MIA3: variants seen among roughly 807,000 people sequenced by gnomAD.
The protein encoded by MIA3 is MIA SH3 domain ER export factor 3.
In MIA3, 90 loss-of-function variants were observed where a neutral mutation model predicts 192.4. That is an observed-to-expected ratio of 0.47 (90% CI 0.39 to 0.56). The LOEUF (loss-of-function observed/expected upper bound fraction) is 0.56, where lower values mean the gene tolerates loss of function less well. Ranked by LOEUF, MIA3 falls within the 20% of genes least tolerant of loss-of-function variation. The pLI is 0.00. For synonymous variants in MIA3, 740 were observed against 792.8 expected, an observed-to-expected ratio of 0.93 and a Z score of 1.12; for missense variants, 2,123 against 2,269.4, an observed-to-expected ratio of 0.94 and a Z score of 1.31.
Position 222,653,356 on chromosome 1 carries a change from G to A in MIA3, c.4321+17G>A. ...AAGTGGGAGGTAAGATCAGCCTCAA[G>A]GAGGATGGACCCCTTTTGCCTTCCT... On this transcript the variant is annotated intron_variant, in intron 15 of 27. Transcript: ENST00000344922. 3 of 1,567,176 alleles carry A rather than the reference G, an allele frequency of 1.9e-6. No homozygotes were observed. Among genetic ancestry groups the A allele is most frequent in the Non-Finnish European group, 2.6e-6 (3 of 1,139,664 alleles).
chr1:222,620,940 G>A (rs1177215747), intron 1 of MIA3, among the ~76,000 whole-genome samples: 2 of 152,188 alleles, frequency 1.3e-5, no homozygotes, highest in South Asian at 2.1e-4. Flanking sequence ...AATAGAGAAG[G>A]TTTTCCTTTC....
At chr1:222,619,178 G>C (rs1329850057) in intron 1 of MIA3, among the ~76,000 whole-genome samples, 1 of 152,160 alleles carries the variant, frequency 6.6e-6, no homozygotes, top group East Asian at 1.9e-4. Context: ...AATACTCCAA[G>C]GGTCTCATAA....
rs61738962 is a variant in MIA3, at chr1:222,629,772, A to G, written c.2552A>G (p.Asp851Gly). 472 of 1,614,204 alleles carry G rather than the reference A, an allele frequency of 2.9e-4. 3 individuals are homozygous for G. In the African/African-American group the frequency reaches 5.3e-3, roughly 18 times the overall value. ...LGEVFQNKDS[D>G]YLKNDNPEEH... ...GAAGTGTTTCAGAATAAAGATTCTG[A>G]TTATCTGAAGAACGACAACCCTGAG... Residue 851 changes from aspartate to glycine, a missense_variant, in exon 4 of 28, where the codon GAT becomes GGT. This residue lies in a region of MIA3 where 1,357 missense variants were observed against 1,396.1 expected (regional missense o/e 0.97). Coordinates refer to ENST00000344922, the MANE Select transcript of MIA3 (RefSeq NM_198551.4).
Position 222,644,364 on chromosome 1 carries a change from C to T in MIA3, c.3478-1190C>T, listed in dbSNP as rs934970927. 4 of 1,504,738 alleles carry T rather than the reference C, an allele frequency of 2.7e-6. No homozygotes were observed. In the African/African-American group the frequency reaches 4.2e-5, roughly 16 times the overall value. 93.2% of individuals were successfully genotyped at this position (1,504,738 alleles called of 1,614,324 possible). ...GCAGCTGTGGAAGGCGAAGTTCAAT[C>T]CCAGAGTCCGCCCCCTGAATTGGGG... On this transcript the variant is annotated intron_variant, in intron 6 of 27. Transcript: ENST00000344922.
chr1:222,630,297 A>C lies in MIA3; in HGVS notation c.3077A>C (p.Tyr1026Ser), dbSNP rs886276418. 1 of 1,614,112 alleles carries C rather than the reference A, an allele frequency of 6.2e-7. No individual in the cohort carries two copies. Among genetic ancestry groups the C allele is most frequent in the Non-Finnish European group, 8.5e-7 (1 of 1,180,060 alleles). Residue 1026 changes from tyrosine (Y) to serine (S), a missense_variant, in exon 4 of 28, where the codon TAT becomes TCT. Tyr to Ser is a moderately radical substitution (Grantham distance 144). Coordinates refer to ENST00000344922, the MANE Select transcript of MIA3 (RefSeq NM_198551.4). ...CTTGATGACATTCAAGACCTCATCT[A>C]TTTTGTCAGGTACAAGCACTCCACA... Reference protein sequence around the residue: ...AVLDDIQDLIYFVRYKHSTAE... With the variant: ...AVLDDIQDLISFVRYKHSTAE...
intron 24 of MIA3, 110 bp downstream of exon 24, chr1:222,660,424 G>C: frequency 9.1e-7 from 1 of 1,094,960 alleles, no homozygotes; most frequent in Non-Finnish European, 1.2e-6. Flanking sequence ...GTATAGAAAA[G>C]AAAATTTCTT....
At position 222,630,006 on chromosome 1, in the gene MIA3, T is replaced by A. The variant is rs540329228; in HGVS notation, c.2786T>A (p.Phe929Tyr). ...KREDLLIISS[F>Y]FKEQQSLQRF... ...GAGGACTTACTTATCATAAGCAGCT[T>A]CTTTAAAGAACAACAGTCTTTGCAG... Residue 929 changes from phenylalanine (F) to tyrosine (Y), a missense_variant, in exon 4 of 28, where the codon TTC becomes TAC. Phe to Tyr is a conservative substitution (Grantham distance 22). Coordinates refer to ENST00000344922, the MANE Select transcript of MIA3 (RefSeq NM_198551.4). 6.2e-7 allele frequency: 1 copy of A among 1,614,132 alleles called. No individual in the cohort carries two copies. Among genetic ancestry groups the A allele is most frequent in the African/African-American group, 1.3e-5 (1 of 75,034 alleles).
intron 2 of MIA3, among the ~76,000 whole-genome samples, chr1:222,624,545 G>A (rs1349275571): frequency 6.6e-6 from 1 of 152,122 alleles, no homozygotes; most frequent in Non-Finnish European, 1.5e-5. Context: ...TATTTTTTGT[G>A]TTTAGTGCAA....
intron 9 of MIA3, 64 bp downstream of exon 9, chr1:222,650,444 T>C: frequency 1.1e-6 from 1 of 936,362 alleles, no homozygotes; most frequent in Non-Finnish European, 1.6e-6. Context: ...GTCACCTATC[T>C]TATAGTTCAG....
At position 222,628,282 on chromosome 1, in the gene MIA3, A is replaced by G; in HGVS notation, c.1062A>G (p.Lys354=). ...GCGTTGAGAAATATCCAACAGATAAAGAGCAGAATTCAAATGAAGAGGACA... is the reference window on the plus strand; with the variant it reads ...GCGTTGAGAAATATCCAACAGATAAGGAGCAGAATTCAAATGAAGAGGACA... The part of the protein sequence containing the change: ...KSGVEKYPTD[K]EQNSNEEDKV... The change falls in exon 4 of 28, where the codon AAA becomes AAG. Residue 354 remains lysine (K), a synonymous_variant. Transcript: ENST00000344922. 2 of 1,614,038 alleles carry G rather than the reference A, an allele frequency of 1.2e-6. No individual in the cohort carries two copies. Among genetic ancestry groups the G allele is most frequent in the East Asian group, 2.2e-5 (1 of 44,884 alleles).
chr1:222,618,162 T>A lies in MIA3; in HGVS notation c.52T>A (p.Trp18Arg). The change falls in exon 1 of 28, where the codon TGG becomes AGG. Residue 18 changes from tryptophan (W) to arginine (R), a missense_variant. Coordinates refer to ENST00000344922, the MANE Select transcript of MIA3 (RefSeq NM_198551.4). Reference sequence around the variant, plus strand: ...CTGGCTGCTCGTGCTCCGGCTGCCCTGGCGGGTGCCGGGCCAGCTGGACCC... The same window carrying A: ...CTGGCTGCTCGTGCTCCGGCTGCCCAGGCGGGTGCCGGGCCAGCTGGACCC... ...LVWLLVLRLP[W>R]RVPGQLDPST... 1 of 1,505,024 alleles carries A rather than the reference T, an allele frequency of 6.6e-7. No individual in the cohort carries two copies. Among genetic ancestry groups the A allele is most frequent in the African/African-American group, 1.5e-5 (1 of 68,636 alleles). The allele number at this position is 1,505,024 out of a possible 1,614,324, so 93.2% of individuals were successfully genotyped here. A position where few individuals can be genotyped will look rare whatever the true frequency, so the allele number is the denominator to read the frequency against.
At chr1:222,624,515 G>A (rs1662020346) in intron 2 of MIA3, among the ~76,000 whole-genome samples, 1 of 152,160 alleles carries the variant, frequency 6.6e-6, no homozygotes, top group South Asian at 2.1e-4. Context: ...AGTAAAAAGT[G>A]ATCTCTTGTG....
chr1:222,628,715 G>A lies in MIA3; in HGVS notation c.1495G>A (p.Val499Ile), dbSNP rs1288798515. ...AGAAGGCATGACTGTGCACAGTTCT[G>A]TTCACAGCAATAACCTCAACTCTAT... Reference protein sequence around the residue: ...NQEGMTVHSSVHSNNLNSMPA... With the variant: ...NQEGMTVHSSIHSNNLNSMPA... Residue 499 changes from valine to isoleucine, a missense_variant, in exon 4 of 28, where the codon GTT becomes ATT. Coordinates refer to ENST00000344922, the MANE Select transcript of MIA3 (RefSeq NM_198551.4). 1 of 1,614,146 alleles carries A rather than the reference G, an allele frequency of 6.2e-7. No homozygotes were observed. The highest frequency in any genetic ancestry group is 1.1e-5 in the South Asian group (1 of 91,084).
rs1663400761 is a variant in MIA3, at chr1:222,650,988, T to A, written c.3909+85T>A. Reference sequence around the variant, plus strand: ...GAGTTGAACTCTTTATTTTCCATGCTGTTATGTGAAGTAAGAGTGCGAGTC... The same window carrying A: ...GAGTTGAACTCTTTATTTTCCATGCAGTTATGTGAAGTAAGAGTGCGAGTC... On this transcript the variant is annotated intron_variant, in intron 11 of 27. Coordinates refer to ENST00000344922, the MANE Select transcript of MIA3 (RefSeq NM_198551.4). 4 of 794,256 alleles carry A rather than the reference T, an allele frequency of 5.0e-6. No homozygotes were observed. In the East Asian group the frequency reaches 1.1e-4, roughly 21 times the overall value. 49.2% of individuals were successfully genotyped at this position (794,256 alleles called of 1,614,324 possible). A position where few individuals can be genotyped will look rare whatever the true frequency, so the allele number is the denominator to read the frequency against.
At chr1:222,641,361 C>G in intron 6 of MIA3, 1 of 335,758 alleles carries the variant, frequency 3.0e-6, no homozygotes, top group Non-Finnish European at 5.9e-6. Flanking sequence ...TCCCTGGCAC[C>G]AGGAAGCCAT....
intron 18 of MIA3, among the ~76,000 whole-genome samples, chr1:222,658,324 AAATT>A (rs1273701661): frequency 6.6e-6 from 1 of 152,212 alleles, no homozygotes; most frequent in Non-Finnish European, 1.5e-5. Context: ...GCCCATAAGA[AAATT>A]AATTAGTGGT....
chr1:222,620,164 G>C (rs1661793203), intron 1 of MIA3, among the ~76,000 whole-genome samples: 1 of 152,102 alleles, frequency 6.6e-6, no homozygotes, highest in Non-Finnish European at 1.5e-5. Flanking sequence ...GCCATTTAAA[G>C]GCACGTTTTT....
chr1:222,657,422 G>T (rs1303935066), intron 18 of MIA3, among the ~76,000 whole-genome samples: 1 of 152,146 alleles, frequency 6.6e-6, no homozygotes, highest in African/African-American at 2.4e-5. Context: ...TGTCTTCAAT[G>T]CATGGATGAA....
chr1:222,645,156 G>T (rs567947906), intron 6 of MIA3, among the ~76,000 whole-genome samples: 66 of 152,262 alleles, frequency 4.3e-4, no homozygotes, highest in African/African-American at 1.6e-3. Flanking sequence ...TTTATTTGCA[G>T]CCATAAAAAG....
Sources: gnomAD v4.1 joint callset for allele counts (sites outside exome capture counted in the v4.1 genomes callset) on GRCh38, gnomAD v4.1.1 for gene constraint, gnomAD v4.1.1 regional missense constraint, MANE v1.5 for transcripts, NCBI Gene and HGNC (gene_info 2026-07-23, HGNC 2026-07-21) for gene names.